Variants in SLC39A10 observed in about 807,000 individuals in gnomAD.
SLC39A10 encodes the protein zinc transporter ZIP10.
Under a neutral mutation model 65.1 loss-of-function variants are expected in SLC39A10, and 13 were observed. That is an observed-to-expected ratio of 0.20 (90% CI 0.13 to 0.32). The LOEUF (loss-of-function observed/expected upper bound fraction) is 0.32, where lower values mean the gene tolerates loss of function less well. Ranked by LOEUF, SLC39A10 falls within the 10% of genes least tolerant of loss-of-function variation. The probability of loss-of-function intolerance (pLI) is 1.00; values close to 1 mark genes in which losing one functional copy is unlikely to be tolerated. For synonymous variants in SLC39A10, 321 were observed against 342.2 expected, an observed-to-expected ratio of 0.94 and a Z score of 0.68; for missense variants, 831 against 1,018.4, an observed-to-expected ratio of 0.82 and a Z score of 2.50.
At chr2:195,656,059 A>G (rs1689137736), upstream of SLC39A10, among the ~76,000 whole-genome samples, 2 of 152,042 alleles carry the variant, frequency 1.3e-5, no homozygotes, top group African/African-American at 4.8e-5. Flanking sequence ...TTAAATTAAT[A>G]TATATGTGGA....
chr2:195,681,773 T>A lies in SLC39A10; in HGVS notation c.1008+723T>A, dbSNP rs571252123. Among the ~76,000 whole-genome samples the A allele has an allele frequency of 3.3e-5, 5 of 152,312 alleles. No individual in the cohort carries two copies. The South Asian group carries it at 6.2e-4, about 19-fold the overall frequency. ...TGTTCTAGGTATTTGAAAATTAAAATTTTTTAATTGTTGTTCAACTTGTCC... is the reference window on the plus strand; with the variant it reads ...TGTTCTAGGTATTTGAAAATTAAAAATTTTTAATTGTTGTTCAACTTGTCC... On this transcript the variant is annotated intron_variant, in intron 2 of 9. Coordinates refer to ENST00000359634, the MANE Select transcript of SLC39A10 (RefSeq NM_020342.3).
At chr2:195,705,543 T>C (rs535004929) in intron 3 of SLC39A10, among the ~76,000 whole-genome samples, 2 of 152,220 alleles carry the variant, frequency 1.3e-5, no homozygotes, top group African/African-American at 2.4e-5. Context: ...CTTTTCCTTG[T>C]TGTTGAAAAT....
intron 2 of SLC39A10, among the ~76,000 whole-genome samples, chr2:195,622,397 G>A (rs1158977098): frequency 6.6e-6 from 1 of 151,976 alleles, no homozygotes; most frequent in African/African-American, 2.4e-5. Context: ...AGAGAGAGAA[G>A]ATGAAGAAAG....
intron 1 of SLC39A10, chr2:195,657,702 C>A: frequency 1.1e-6 from 1 of 907,638 alleles, no homozygotes; most frequent in Non-Finnish European, 1.3e-6. Flanking sequence ...CCGCGGATGG[C>A]GTCGCAGGCG....
intron 5 of SLC39A10, among the ~76,000 whole-genome samples, chr2:195,710,792 G>A (rs1403526096): frequency 6.6e-6 from 1 of 152,194 alleles, no homozygotes. Context: ...TTAGAGAAAA[G>A]TAAAAGAGAG....
At chr2:195,665,353 G>T (rs1689595372) in intron 1 of SLC39A10, among the ~76,000 whole-genome samples, 3 of 152,176 alleles carry the variant, frequency 2.0e-5, no homozygotes, top group Non-Finnish European at 2.9e-5. Flanking sequence ...GTGTGGTGCT[G>T]CGCACCTGTA....
intron 1 of SLC39A10, among the ~76,000 whole-genome samples, chr2:195,676,974 C>T (rs1159022247): frequency 6.6e-6 from 1 of 151,992 alleles, no homozygotes. Context: ...TAAGTTTTTC[C>T]TTTTAGTGGT....
chr2:195,680,814 G>T lies in SLC39A10; in HGVS notation c.772G>T (p.Gly258Cys), dbSNP rs772796882. 2 of 1,614,048 alleles carry T rather than the reference G, an allele frequency of 1.2e-6. No individual in the cohort carries two copies. Among genetic ancestry groups the T allele is most frequent in the Non-Finnish European group, 1.7e-6 (2 of 1,180,014 alleles). ...TPGFPPNHDQ[G>C]EQYEHNRVHK... ...AGGTTTTCCCCCTAACCATGATCAG[G>T]GTGAACAGTATGAGCATAATCGGGT... Residue 258 changes from glycine to cysteine, a missense_variant, in exon 2 of 10, where the codon GGT (glycine) becomes TGT (cysteine). Transcript: ENST00000359634.
chr2:195,692,684 A>G (rs1215097148), intron 3 of SLC39A10, among the ~76,000 whole-genome samples: 2 of 152,046 alleles, frequency 1.3e-5, no homozygotes, highest in Non-Finnish European at 2.9e-5. Flanking sequence ...TTAATTTTGT[A>G]TCCTGAAACT....
chr2:195,691,566 A>C (rs1249811827), intron 3 of SLC39A10, among the ~76,000 whole-genome samples: 4 of 152,112 alleles, frequency 2.6e-5, no homozygotes, highest in Admixed American at 2.6e-4. Context: ...TTCTTGCAGG[A>C]GTGAGGTGGT....
At chr2:195,646,057 C>T (rs1315560820) in intron 2 of SLC39A10, among the ~76,000 whole-genome samples, 1 of 152,108 alleles carries the variant, frequency 6.6e-6, no homozygotes, top group East Asian at 1.9e-4. Context: ...AGCGATCTTC[C>T]CACCTCAGCT....
chr2:195,657,253 A>G lies in SLC39A10; in HGVS notation c.-40A>G, dbSNP rs1168226069. ...AGCCGGGGTTTGGTACCGAGCGGAG[A>G]GGAGATGCACACGGCACTCGAGTGT... On this transcript the variant is annotated 5_prime_UTR_variant, in exon 1 of 10. Coordinates refer to ENST00000359634, the MANE Select transcript of SLC39A10 (RefSeq NM_020342.3). 3.1e-6 allele frequency: 1 copy of G among 322,224 alleles called. No individual in the cohort carries two copies. The highest frequency in any genetic ancestry group is 4.5e-6 in the Non-Finnish European group (1 of 223,784). 20.0% of individuals were successfully genotyped at this position (322,224 alleles called of 1,614,324 possible). A position where few individuals can be genotyped will look rare whatever the true frequency, so the allele number is the denominator to read the frequency against.
intron 1 of SLC39A10, chr2:195,671,860 A>G (rs890020219): frequency 2.0e-5 from 3 of 151,838 alleles, no homozygotes; most frequent in Non-Finnish European, 2.9e-5. Context: ...CTGGACTTCC[A>G]TTCTTTCTCT....
intron 8 of SLC39A10, among the ~76,000 whole-genome samples, chr2:195,722,224 TA>T (rs935804342): frequency 1.3e-5 from 2 of 152,208 alleles, no homozygotes; most frequent in Non-Finnish European, 2.9e-5. Context: ...AGCCAGAGTA[TA>T]CTGAATTTTG....
rs1320092696 is a variant in SLC39A10 at position 195,680,599 on chromosome 2, A to G, written c.557A>G (p.His186Arg). The change falls in exon 2 of 10, where the codon CAT becomes CGT. Residue 186 changes from histidine to arginine, a missense_variant. This residue lies in a region of SLC39A10 where 446 missense variants were observed against 499.2 expected (regional missense o/e 0.89). Coordinates refer to ENST00000359634, the MANE Select transcript of SLC39A10 (RefSeq NM_020342.3). Reference sequence around the variant, plus strand: ...CTACGTCATCACCATCGTTTGCATCATCATCTTGATCATAACAACACTCAC... The same window carrying G: ...CTACGTCATCACCATCGTTTGCATCGTCATCTTGATCATAACAACACTCAC... ...HRLRHHHRLH[H>R]HLDHNNTHHF... 1 of 1,614,194 alleles carries G rather than the reference A, an allele frequency of 6.2e-7. No individual in the cohort carries two copies. Among genetic ancestry groups the G allele is most frequent in the Admixed American group, 1.7e-5 (1 of 60,016 alleles).
In SLC39A10 at chr2:195,716,828, G is replaced by A. The variant is rs763050391; in HGVS notation, c.1888G>A (p.Gly630Ser). The stretch of plus-strand genomic sequence containing the variant: ...CCATGCTGCTGCACATAACCACCAC[G>A]GCGAGAACAAAACTGTGCTGAGGAA... The part of the protein sequence containing the change: ...DLHAAAHNHH[G>S]ENKTVLRKHN... Residue 630 changes from glycine to serine, a missense_variant, in exon 7 of 10, where the codon GGC (glycine) becomes AGC (serine). By Grantham distance (56) the Gly-to-Ser change is moderately conservative. This residue lies in a region of SLC39A10 where 230 missense variants were observed against 242.9 expected (regional missense o/e 0.95). Coordinates refer to ENST00000359634, the MANE Select transcript of SLC39A10 (RefSeq NM_020342.3). 59 of 1,613,950 alleles carry A rather than the reference G, an allele frequency of 3.7e-5. No individual in the cohort carries two copies. Among genetic ancestry groups the A allele is most frequent in the South Asian group, 4.4e-5 (4 of 91,084 alleles).
At chr2:195,652,860 C>T (rs1689069427), upstream of SLC39A10, among the ~76,000 whole-genome samples, 1 of 152,124 alleles carries the variant, frequency 6.6e-6, no homozygotes, top group Non-Finnish European at 1.5e-5. Context: ...TGCCTGAGTT[C>T]CACCTCCTGT....
intron 2 of SLC39A10, among the ~76,000 whole-genome samples, chr2:195,613,991 G>A (rs1364772873): frequency 1.3e-5 from 2 of 152,002 alleles, no homozygotes; most frequent in Non-Finnish European, 2.9e-5. Context: ...GTGGTCCTTC[G>A]GGTCCTTCAT....
chr2:195,629,982 C>T (rs989759743), intron 2 of SLC39A10, among the ~76,000 whole-genome samples: 2 of 151,954 alleles, frequency 1.3e-5, no homozygotes, highest in African/African-American at 2.4e-5. Context: ...ATGATCTGCC[C>T]ACTTTGGCCT....
Sources: gnomAD v4.1 joint callset for allele counts (sites outside exome capture counted in the v4.1 genomes callset) on GRCh38, gnomAD v4.1.1 for gene constraint, gnomAD v4.1.1 regional missense constraint, MANE v1.5 for transcripts, NCBI Gene and HGNC (gene_info 2026-07-23, HGNC 2026-07-21) for gene names.